The following FBXO16 variants were observed in gnomAD, a reference collection of about 807,000 sequenced individuals.
FBXO16 encodes F-box protein 16.
FBXO16 carries 31 observed loss-of-function variants against 41.0 expected under a neutral mutation model. The ratio of observed to expected loss-of-function variants is 0.76; its 90% CI spans 0.57 to 1.02. FBXO16 has a LOEUF of 1.02. FBXO16 is among the 50% of genes least tolerant of loss of function. The pLI is 0.00. For missense variants in FBXO16, 361 were observed against 346.2 expected (o/e 1.04, Z -0.34); for synonymous variants, 133 against 117.8 (o/e 1.13, Z -0.84).
intron 1 of FBXO16, among the ~76,000 whole-genome samples, chr8:28,487,495 G>A (rs1803621182): frequency 6.7e-6 from 1 of 149,400 alleles, no homozygotes; most frequent in Non-Finnish European, 1.5e-5. Flanking sequence ...CCAGGTTCAA[G>A]AGATTCTGCT....
intron 1 of FBXO16, among the ~76,000 whole-genome samples, chr8:28,488,293 C>CT (rs10708340): frequency 0.041 from 3,927 of 96,346 alleles, 211 homozygotes; most frequent in African/African-American, 0.081. Context: ...TCTTCTAAGC[C>CT]TTTTTTTTTT....
intron 7 of FBXO16, among the ~76,000 whole-genome samples, chr8:28,436,754 T>C (rs1030534484): frequency 3.3e-5 from 5 of 152,256 alleles, no homozygotes; most frequent in Admixed American, 1.3e-4. Flanking sequence ...TCTTATTTTA[T>C]GTTATATATA....
intron 3 of FBXO16, among the ~76,000 whole-genome samples, chr8:28,471,737 C>T (rs535838810): frequency 2.1e-4 from 27 of 131,600 alleles, no homozygotes; most frequent in African/African-American, 7.1e-4. Context: ...GAATGTATAA[C>T]GAAAAACAGG....
chr8:28,458,173 C>T (rs556075734), intron 4 of FBXO16, among the ~76,000 whole-genome samples: 2 of 152,336 alleles, frequency 1.3e-5, no homozygotes, highest in South Asian at 4.1e-4. Flanking sequence ...TGTAATGGCC[C>T]TTGCTATCCA....
intron 2 of FBXO16, among the ~76,000 whole-genome samples, chr8:28,480,878 C>T (rs1455953479): frequency 2.6e-5 from 4 of 152,194 alleles, no homozygotes; most frequent in Non-Finnish European, 4.4e-5. Context: ...GGAATCTCAA[C>T]TCTTCATGCA....
In FBXO16 at chr8:28,469,625, T is replaced by C. The variant is rs1803299294; in HGVS notation, c.135+4147A>G. Among the ~76,000 whole-genome samples, 4 of 152,028 alleles carry C rather than the reference T, an allele frequency of 2.6e-5. No individual in the cohort carries two copies. In the South Asian group the frequency reaches 8.3e-4, roughly 32 times the overall value. Reference sequence around the variant, plus strand: ...CAGTTTAAAAAATAAACAAAATGGCTGGGAGTGGTGGCTCACGCCTGTAAT... The same window carrying C: ...CAGTTTAAAAAATAAACAAAATGGCCGGGAGTGGTGGCTCACGCCTGTAAT... On this transcript the variant is annotated intron_variant, in intron 3 of 8. Coordinates refer to ENST00000380254, the MANE Select transcript of FBXO16 (RefSeq NM_172366.4).
intron 7 of FBXO16, among the ~76,000 whole-genome samples, chr8:28,433,073 A>C (rs1204013407): frequency 7.1e-6 from 1 of 140,590 alleles, no homozygotes; most frequent in Non-Finnish European, 1.5e-5. Flanking sequence ...AAAAAAAAAA[A>C]CAAACAAAAA....
chr8:28,474,327 A>C (rs1408214377), intron 2 of FBXO16, among the ~76,000 whole-genome samples: 1 of 54,784 alleles, frequency 1.8e-5, no homozygotes, highest in African/African-American at 6.3e-5. Context: ...AAAAAAAAAA[A>C]AAAAAAAAAA....
chr8:28,488,680 G>C (rs889347785), intron 1 of FBXO16, among the ~76,000 whole-genome samples: 3 of 152,090 alleles, frequency 2.0e-5, no homozygotes, highest in Admixed American at 1.3e-4. Flanking sequence ...GGGGTACAAC[G>C]ATAAGAGTCT....
chr8:28,485,480 A>AT (rs998359315), intron 1 of FBXO16, among the ~76,000 whole-genome samples: 1 of 151,760 alleles, frequency 6.6e-6, no homozygotes, highest in South Asian at 2.1e-4. Context: ...ACCTTTGATA[A>AT]TTTTTTTTTA....
chr8:28,454,516 CAGA>C (rs1363375986), intron 5 of FBXO16, among the ~76,000 whole-genome samples: 1 of 151,396 alleles, frequency 6.6e-6, no homozygotes, highest in Admixed American at 6.6e-5. Context: ...ATCACGAGGT[CAGA>C]AGATCGAGAC....
chr8:28,454,881 T>C (rs1017868316), intron 5 of FBXO16, among the ~76,000 whole-genome samples: 1 of 151,696 alleles, frequency 6.6e-6, no homozygotes, highest in African/African-American at 2.4e-5. Context: ...TTTTTGAGAA[T>C]TTTCCTAATC....
chr8:28,463,630 G>A lies in FBXO16; in HGVS notation c.324C>T (p.Ser108=). The A allele has an allele frequency of 6.2e-7, 1 of 1,614,016 alleles. No individual in the cohort carries two copies. Residue 108 remains serine (S), a synonymous_variant, in exon 4 of 9, where the codon AGC becomes AGT. Coordinates refer to ENST00000380254, the MANE Select transcript of FBXO16 (RefSeq NM_172366.4). ...CCTTTACCTGTGCACAACGACAAAG[G>A]CTCCGAGGGTCCAGGAAAGAAAAGA... ...LYIFSFLDPR[S]LCRCAQVCWH...
chr8:28,451,260 C>T (rs1054561445), intron 6 of FBXO16, among the ~76,000 whole-genome samples: 1 of 152,172 alleles, frequency 6.6e-6, no homozygotes, highest in African/African-American at 2.4e-5. Flanking sequence ...GCCCTATTGG[C>T]TCCTGACAGG....
At chr8:28,481,741 T>G (rs1255799159) in intron 2 of FBXO16, among the ~76,000 whole-genome samples, 1 of 136,794 alleles carries the variant, frequency 7.3e-6, no homozygotes. Context: ...ACCCGGGAGG[T>G]GGAGGTTGTA....
At chr8:28,452,920 AAAG>A (rs771989588) in intron 5 of FBXO16, among the ~76,000 whole-genome samples, 5,123 of 126,940 alleles carry the variant, frequency 0.04, 282 homozygotes, top group African/African-American at 0.14. Context: ...AAATAAAAAA[AAAG>A]AAAAAAAGGA....
intron 3 of FBXO16, among the ~76,000 whole-genome samples, chr8:28,465,621 TA>T (rs569205498): frequency 2.6e-4 from 38 of 146,438 alleles, no homozygotes; most frequent in East Asian, 2.6e-3. Context: ...TCAATAAAAA[TA>T]AAAAAAAAAT....
intron 7 of FBXO16, among the ~76,000 whole-genome samples, chr8:28,443,137 G>A (rs1293476082): frequency 3.3e-5 from 5 of 151,876 alleles, no homozygotes; most frequent in African/African-American, 9.7e-5. Context: ...TCCCACCTCA[G>A]CCTCCAGAGT....
At chr8:28,442,423 G>A (rs10108826) in intron 7 of FBXO16, among the ~76,000 whole-genome samples, 12,200 of 151,102 alleles carry the variant, frequency 0.081, 1,488 homozygotes, top group African/African-American at 0.27. Flanking sequence ...TTGCTCTGTC[G>A]CCCAGGCTGG....
Sources: gnomAD v4.1 joint callset for allele counts (sites outside exome capture counted in the v4.1 genomes callset) on GRCh38, gnomAD v4.1.1 for gene constraint, MANE v1.5 for transcripts, NCBI Gene and HGNC (gene_info 2026-07-23, HGNC 2026-07-21) for gene names.